PLCH2: variants seen among roughly 807,000 people sequenced by gnomAD.
The protein encoded by PLCH2 is phospholipase C eta 2, also known as 1-phosphatidylinositol 4,5-bisphosphate phosphodiesterase eta-2.
Under a neutral mutation model 134.7 loss-of-function variants are expected in PLCH2, and 98 were observed. That is an observed-to-expected ratio of 0.73 (90% confidence interval 0.62 to 0.86). The LOEUF (loss-of-function observed/expected upper bound fraction) is 0.86, where lower values mean the gene tolerates loss of function less well. Ranked by LOEUF, PLCH2 falls within the 40% of genes least tolerant of loss-of-function variation. PLCH2 has a pLI of 0.00. For synonymous variants in PLCH2, 974 were observed against 827.5 expected (o/e 1.18, Z -3.04); for missense variants, 1,994 against 1,986.6 (o/e 1.00, Z -0.07).
intron 1 of PLCH2, among the ~76,000 whole-genome samples, chr1:2,477,816 C>T (rs1397925992): frequency 6.6e-6 from 1 of 152,224 alleles, no homozygotes; most frequent in Non-Finnish European, 1.5e-5. Context: ...TTCATGGCAC[C>T]ATTCGTGGCG....
chr1:2,482,153 A>G (rs1419373051), intron 4 of PLCH2, among the ~76,000 whole-genome samples: 1 of 152,228 alleles, frequency 6.6e-6, no homozygotes. Flanking sequence ...TGACTGTGTC[A>G]GGGGTGTTCT....
intron 1 of PLCH2, among the ~76,000 whole-genome samples, chr1:2,469,716 C>T (rs2100614566): frequency 6.6e-6 from 1 of 152,254 alleles, no homozygotes; most frequent in Non-Finnish European, 1.5e-5. Flanking sequence ...TTGCTCCCAG[C>T]ACTGCATACG....
intron 2 of PLCH2, among the ~76,000 whole-genome samples, chr1:2,432,314 G>C (rs1396702421): frequency 6.6e-6 from 1 of 152,194 alleles, no homozygotes; most frequent in Non-Finnish European, 1.5e-5. Flanking sequence ...GTGAATAACT[G>C]AGCACTCCGG....
chr1:2,504,747 C>A lies in PLCH2; in HGVS notation c.3785C>A (p.Ala1262Asp). ...AKSKSLGDLT[A>D]DDFAPSFEGG... ...TCCAAGAGCCTGGGCGACCTCACTG[C>A]TGATGACTTTGCCCCTAGCTTTGAG... The change falls in exon 22 of 22, where the codon GCT becomes GAT. Residue 1262 changes from alanine (A) to aspartate (D), a missense_variant. This residue lies in a region of PLCH2 where 900 missense variants were observed against 752.3 expected (regional missense o/e 1.20). Transcript: ENST00000378486. 1.2e-6 allele frequency: 2 copies of A among 1,612,536 alleles called. No homozygotes were observed. The highest frequency in any genetic ancestry group is 1.7e-6 in the Non-Finnish European group (2 of 1,179,806).
chr1:2,464,072 C>T (rs1331109985), upstream of PLCH2, among the ~76,000 whole-genome samples: 6 of 152,246 alleles, frequency 3.9e-5, no homozygotes, highest in African/African-American at 1.2e-4. Context: ...TGGGATCGCT[C>T]GGCAGCTGGT....
chr1:2,454,225 C>A (rs1256535543), intron 2 of PLCH2, among the ~76,000 whole-genome samples: 1 of 152,178 alleles, frequency 6.6e-6, no homozygotes, highest in Non-Finnish European at 1.5e-5. Flanking sequence ...CCCTGCAGCA[C>A]TGGAGGTGAC....
chr1:2,463,765 C>T (rs986876728), upstream of PLCH2, among the ~76,000 whole-genome samples: 9 of 152,332 alleles, frequency 5.9e-5, no homozygotes, highest in African/African-American at 1.9e-4. Flanking sequence ...CTGAAGGTGC[C>T]CACTGCCCTC....
At chr1:2,474,777 T>C (rs1006571778), upstream of PLCH2, among the ~76,000 whole-genome samples, 2 of 152,020 alleles carry the variant, frequency 1.3e-5, no homozygotes, top group South Asian at 2.1e-4. Flanking sequence ...CTGGACCCCC[T>C]GGGTCAGAGT....
chr1:2,498,536 C>T lies in PLCH2; in HGVS notation c.2238C>T (p.Pro746=). The stretch of plus-strand genomic sequence containing the variant: ...GCATCCCCTCAGGCGTGTTCAACCC[C>T]AACTCGGAGGACCCCCTGCCCGGGC... ...PGCMCQGVFN[P]NSEDPLPGQL... is the part of the protein sequence containing the mutation. Residue 746 remains proline, a synonymous_variant, in exon 17 of 22, where the codon CCC becomes CCT. Coordinates refer to ENST00000378486, the MANE Select transcript of PLCH2 (RefSeq NM_014638.4). This position sits in a 1 kb window ranked among gnomAD's most constrained non-coding sequence, Gnocchi z 5.4. 1 of 1,607,994 alleles carries T rather than the reference C, an allele frequency of 6.2e-7. No homozygotes were observed. Among genetic ancestry groups the T allele is most frequent in the Non-Finnish European group, 8.5e-7 (1 of 1,178,914 alleles).
In PLCH2 at chr1:2,502,391, G is replaced by C; in HGVS notation, c.2941G>C (p.Gly981Arg). The C allele has an allele frequency of 6.5e-7, 1 of 1,543,384 alleles. No homozygotes were observed. Among genetic ancestry groups the C allele is most frequent in the Non-Finnish European group, 8.7e-7 (1 of 1,145,594 alleles). Residue 981 changes from glycine (G) to arginine (R), a missense_variant, in exon 21 of 22, where the codon GGC (glycine) becomes CGC (arginine). Physicochemically the swap from Gly to Arg is moderately radical, Grantham distance 125. Around this residue, in one of 2 missense-constraint regions of PLCH2, gnomAD observed 900 missense variants for 752.3 expected, o/e 1.20. Transcript: ENST00000378486. ...APEAPAQEGPGSGSPRDTRPL... is the reference protein window; with the variant it reads ...APEAPAQEGPRSGSPRDTRPL... Reference sequence around the variant, plus strand: ...GGAAGCCCCAGCCCAGGAGGGGCCCGGCAGCGGCAGCCCCCGAGGTAAGGC... The same window carrying C: ...GGAAGCCCCAGCCCAGGAGGGGCCCCGCAGCGGCAGCCCCCGAGGTAAGGC...
chr1:2,460,476 C>T (rs570296177), intron 2 of PLCH2, among the ~76,000 whole-genome samples: 13 of 152,362 alleles, frequency 8.5e-5, no homozygotes, highest in South Asian at 6.2e-4. Context: ...GTCTTGGCCC[C>T]GGGGCATGGG....
intron 11 of PLCH2, chr1:2,493,850 G>A (rs1481470231): frequency 6.5e-6 from 1 of 153,498 alleles, no homozygotes; most frequent in Non-Finnish European, 1.5e-5. Context: ...TGAGCGCCGA[G>A]TGTCTGTGGT....
intron 2 of PLCH2, among the ~76,000 whole-genome samples, chr1:2,451,980 G>A (rs961749217): frequency 6.6e-6 from 1 of 152,234 alleles, no homozygotes; most frequent in Non-Finnish European, 1.5e-5. Context: ...CCAACCCTGT[G>A]AAGTGAGGTC....
chr1:2,420,952 C>A, the PLCH2 span, among the ~76,000 whole-genome samples: 1 of 137,466 alleles, frequency 7.3e-6, no homozygotes, highest in African/African-American at 2.6e-5. Context: ...TATCCCTTCA[C>A]ACTTTTTTTT....
At chr1:2,418,693 C>A in the PLCH2 span, among the ~76,000 whole-genome samples, 4 of 152,262 alleles carry the variant, frequency 2.6e-5, no homozygotes, top group African/African-American at 4.8e-5. Context: ...CCGTCCTGGA[C>A]TCCTGAGCCT....
rs577669403 is a variant in PLCH2 at position 2,483,642 on chromosome 1, T to G, written c.646-806T>G. 3.3e-5 allele frequency among the ~76,000 whole-genome samples: 5 copies of G among 152,178 alleles called. No individual in the cohort carries two copies. In the South Asian group the frequency reaches 6.2e-4, roughly 19 times the overall value. On this transcript the variant is annotated intron_variant, in intron 4 of 21. Coordinates refer to ENST00000378486, the MANE Select transcript of PLCH2 (RefSeq NM_014638.4). ...TCCTCAATCCTTAGGGCTCAAGGAT[T>G]TCAAGCATCCCCTTCCATGGGGACT...
chr1:2,470,154 G>A (rs1394409625), intron 1 of PLCH2, among the ~76,000 whole-genome samples: 2 of 152,240 alleles, frequency 1.3e-5, no homozygotes, highest in Non-Finnish European at 2.9e-5. Flanking sequence ...ACCTCTGAGG[G>A]ACTTGAGTGG....
upstream of PLCH2, among the ~76,000 whole-genome samples, chr1:2,464,222 G>T (rs1446700221): frequency 6.6e-6 from 1 of 152,176 alleles, no homozygotes; most frequent in African/African-American, 2.4e-5. Flanking sequence ...TTCGAGTGTT[G>T]GCAGGGGGGC....
chr1:2,502,510 G>C (rs1050223192), intron 21 of PLCH2, 101 bp downstream of exon 21: 2 of 1,197,084 alleles, frequency 1.7e-6, no homozygotes, highest in East Asian at 2.5e-5. Flanking sequence ...CCACATGCAT[G>C]AAGTGTGTGG....
Sources: allele counts gnomAD v4.1 joint callset (sites outside exome capture counted in the v4.1 genomes callset), GRCh38; gene constraint gnomAD v4.1.1; regional missense constraint gnomAD v4.1.1; non-coding constraint Gnocchi (gnomAD v3.1); transcripts MANE v1.5; gene names NCBI Gene and HGNC (gene_info 2026-07-23, HGNC 2026-07-21).